PLD5: variants seen among roughly 807,000 people sequenced by gnomAD.
PLD5 encodes phospholipase D family member 5, also known as inactive phospholipase D5.
PLD5 carries 36 observed loss-of-function variants against 61.1 expected under a neutral mutation model. That is an observed-to-expected ratio of 0.59 (90% CI 0.45 to 0.78). The LOEUF (loss-of-function observed/expected upper bound fraction) is 0.78. Ranked by LOEUF, PLD5 falls within the 30% of genes least tolerant of loss-of-function variation. The pLI, the probability that PLD5 is intolerant of heterozygous loss-of-function variation, is 0.00. For missense variants in PLD5, 515 were observed against 644.4 expected, an observed-to-expected ratio of 0.80 and a Z score of 2.17; for synonymous variants, 243 against 242.8, an observed-to-expected ratio of 1.00 and a Z score of -0.01.
chr1:242,173,348 G>C (rs1404537501), intron 5 of PLD5, among the ~76,000 whole-genome samples: 2 of 152,152 alleles, frequency 1.3e-5, no homozygotes, highest in Non-Finnish European at 2.9e-5. Flanking sequence ...TACAAGGGAT[G>C]TGAAGGACCT....
chr1:242,323,676 C>T (rs947966988), intron 2 of PLD5, among the ~76,000 whole-genome samples: 6 of 152,214 alleles, frequency 3.9e-5, no homozygotes, highest in Non-Finnish European at 8.8e-5. Context: ...ATTCTGCACA[C>T]AAGCCTGTAA....
chr1:242,383,455 C>G (rs1391016746), intron 1 of PLD5, among the ~76,000 whole-genome samples: 1 of 151,070 alleles, frequency 6.6e-6, no homozygotes, highest in Non-Finnish European at 1.5e-5. Flanking sequence ...CCTTCTTTTC[C>G]TTTTTCTAGG....
At chr1:242,509,507 G>C (rs998038750) in intron 1 of PLD5, among the ~76,000 whole-genome samples, 4 of 152,170 alleles carry the variant, frequency 2.6e-5, no homozygotes, top group African/African-American at 7.2e-5. Flanking sequence ...TCTGTTCCAT[G>C]CGGCCCCTGC....
At chr1:242,101,559 A>T (rs908284174) in intron 8 of PLD5, among the ~76,000 whole-genome samples, 1 of 152,178 alleles carries the variant, frequency 6.6e-6, no homozygotes, top group Non-Finnish European at 1.5e-5. Flanking sequence ...CAAAGGTGAA[A>T]ATATCAGGTA....
At position 242,088,443 on chromosome 1, in the gene PLD5, T is replaced by A. The variant is rs1659574615; in HGVS notation, c.*1411A>T. The A allele has an allele frequency of 6.6e-6, 1 of 152,246 alleles. No individual in the cohort carries two copies. Among genetic ancestry groups the A allele is most frequent in the African/African-American group, 2.4e-5 (1 of 41,474 alleles). The allele number at this position is 152,246 out of a possible 1,614,324, so 9.4% of individuals were successfully genotyped here. A position where few individuals can be genotyped will look rare whatever the true frequency, so the allele number is the denominator to read the frequency against. On this transcript the variant is annotated 3_prime_UTR_variant, in exon 10 of 10. Transcript: ENST00000536534. ...TCAAGAAAAAGATTATATATTATAA[T>A]GCTTAGCATTTATATAGGTTCTTTT...
At chr1:242,250,254 A>G (rs1178697656) in intron 4 of PLD5, among the ~76,000 whole-genome samples, 1 of 152,236 alleles carries the variant, frequency 6.6e-6, no homozygotes, top group Non-Finnish European at 1.5e-5. Context: ...CAAAGCTTGC[A>G]CTGTTTATTC....
intron 9 of PLD5, among the ~76,000 whole-genome samples, chr1:242,095,601 T>A (rs1333410283): frequency 6.6e-6 from 1 of 152,172 alleles, no homozygotes; most frequent in Non-Finnish European, 1.5e-5. Flanking sequence ...TTTTTTAATT[T>A]TAATTTTTAA....
At chr1:242,102,293 T>C (rs925649245) in intron 8 of PLD5, among the ~76,000 whole-genome samples, 13 of 152,192 alleles carry the variant, frequency 8.5e-5, no homozygotes, top group Non-Finnish European at 1.5e-5. Context: ...GAGTCACAGC[T>C]TGAGGCTTTA....
intron 1 of PLD5, chr1:242,449,397 C>T (rs1666690064): frequency 1.3e-6 from 2 of 1,535,990 alleles, no homozygotes; most frequent in Non-Finnish European, 1.7e-6. Flanking sequence ...GTCCAGCAGC[C>T]AGGAGCTGTC....
intron 4 of PLD5, among the ~76,000 whole-genome samples, chr1:242,263,243 A>G (rs1339667026): frequency 6.6e-6 from 1 of 151,602 alleles, no homozygotes; most frequent in Admixed American, 6.6e-5. Flanking sequence ...TAGTTTCTAT[A>G]TTCAGTAACT....
At chr1:242,379,399 C>T (rs925731273) in intron 1 of PLD5, among the ~76,000 whole-genome samples, 2 of 152,066 alleles carry the variant, frequency 1.3e-5, no homozygotes, top group South Asian at 2.1e-4. Flanking sequence ...AAGGTTTGTG[C>T]AAATAAAGCC....
At chr1:242,094,886 C>T (rs563102859) in intron 9 of PLD5, among the ~76,000 whole-genome samples, 1 of 152,126 alleles carries the variant, frequency 6.6e-6, no homozygotes, top group African/African-American at 2.4e-5. Context: ...AGTGTCAGTG[C>T]TGGAATTCAA....
At chr1:242,451,460 T>TA (rs1666775001) in intron 1 of PLD5, among the ~76,000 whole-genome samples, 1 of 44,906 alleles carries the variant, frequency 2.2e-5, no homozygotes, top group Non-Finnish European at 4.4e-5. Context: ...TATCAAATTC[T>TA]TTTTTTTTTT....
chr1:242,406,484 C>G (rs1664240204), intron 1 of PLD5, among the ~76,000 whole-genome samples: 1 of 152,202 alleles, frequency 6.6e-6, no homozygotes, highest in South Asian at 2.1e-4. Context: ...ACCAGCAATT[C>G]TGTGGATCCC....
chr1:242,313,146 G>T (rs1676804334), intron 2 of PLD5, among the ~76,000 whole-genome samples: 1 of 152,202 alleles, frequency 6.6e-6, no homozygotes, highest in South Asian at 2.1e-4. Flanking sequence ...CATAAAAATA[G>T]TACAATTGCA....
intron 1 of PLD5, among the ~76,000 whole-genome samples, chr1:242,477,113 G>T (rs1040278300): frequency 1.3e-5 from 2 of 152,272 alleles, no homozygotes; most frequent in Middle Eastern, 3.4e-3. Context: ...AGCCAGGCGT[G>T]GTGGTGTGCC....
At chr1:242,514,981 G>A (rs183560193) in intron 1 of PLD5, among the ~76,000 whole-genome samples, 43 of 152,276 alleles carry the variant, frequency 2.8e-4, no homozygotes, top group Admixed American at 1.8e-3. Context: ...GGCACTGTAC[G>A]CATTTTATTT....
intron 2 of PLD5, among the ~76,000 whole-genome samples, chr1:242,345,895 G>A (rs1481886022): frequency 6.6e-6 from 1 of 151,600 alleles, no homozygotes; most frequent in Non-Finnish European, 1.5e-5. Context: ...CCAGTTCCAG[G>A]ACAGACACAC....
At chr1:242,296,460 A>G (rs1675664035) in intron 2 of PLD5, among the ~76,000 whole-genome samples, 2 of 152,230 alleles carry the variant, frequency 1.3e-5, no homozygotes, top group Admixed American at 6.5e-5. Flanking sequence ...CATAGGATCA[A>G]CAAGACAAAG....
Sources: allele counts gnomAD v4.1 joint callset (sites outside exome capture counted in the v4.1 genomes callset), GRCh38; gene constraint gnomAD v4.1.1; transcripts MANE v1.5; gene names NCBI Gene and HGNC (gene_info 2026-07-23, HGNC 2026-07-21).